TMEM238L: variants seen among roughly 807,000 people sequenced by gnomAD.
TMEM238L encodes the protein transmembrane protein 238 like, also known as transmembrane protein 238-like.
chr17:10,796,933 G>A (rs1904566704), intron 1 of TMEM238L, among the ~76,000 whole-genome samples: 1 of 152,146 alleles, frequency 6.6e-6, no homozygotes. Context: ...AGGCCACATA[G>A]TCTCTGTTAC....
intron 1 of TMEM238L, among the ~76,000 whole-genome samples, chr17:10,798,667 G>A (rs1904634549): frequency 6.6e-6 from 1 of 151,972 alleles, no homozygotes. Flanking sequence ...TGGTGGGTGT[G>A]TTTGTTTCTG....
chr17:10,797,980 G>C (rs1416562789), intron 1 of TMEM238L: 2 of 152,078 alleles, frequency 1.3e-5, no homozygotes, highest in Non-Finnish European at 2.9e-5. Context: ...CTCCTCACCT[G>C]GTGTTCAAAG....
chr17:10,802,605 T>G (rs1198211927), intron 1 of TMEM238L: 1 of 152,616 alleles, frequency 6.6e-6, no homozygotes. Context: ...AAGACACAAT[T>G]ATTATTTCCT....
intron 1 of TMEM238L, among the ~76,000 whole-genome samples, chr17:10,796,751 A>G (rs1287820930): frequency 6.6e-6 from 1 of 151,922 alleles, no homozygotes; most frequent in Non-Finnish European, 1.5e-5. Flanking sequence ...CTTCCTTATT[A>G]TTACTGGGAA....
rs1216590208 is a variant in TMEM238L, at chr17:10,800,259, A to C, written c.*118+3347T>G. Among the ~76,000 whole-genome samples, 5 of 152,212 alleles carry C rather than the reference A, an allele frequency of 3.3e-5. No individual in the cohort carries two copies. The East Asian group carries it at 7.7e-4, about 24-fold the overall frequency. ...AAACCACATCTTTAACTCTAAAGGG[A>C]AGTAAAATGATTCGCCCAAGGCCAT... On this transcript the variant is annotated intron_variant, in intron 1 of 1. Transcript: ENST00000581851.
intron 1 of TMEM238L, among the ~76,000 whole-genome samples, chr17:10,799,931 C>T (rs1904680899): frequency 1.3e-5 from 2 of 150,310 alleles, no homozygotes; most frequent in Admixed American, 6.7e-5. Context: ...TTGGAAACCA[C>T]ATCTTTTTTT....
chr17:10,801,216 A>T (rs1904736802), intron 1 of TMEM238L, among the ~76,000 whole-genome samples: 2 of 151,896 alleles, frequency 1.3e-5, no homozygotes, highest in African/African-American at 2.4e-5. Context: ...GCGCCCGGCT[A>T]ATTTTTTGTA....
intron 1 of TMEM238L, among the ~76,000 whole-genome samples, chr17:10,801,327 A>T (rs113626129): frequency 0.025 from 3,816 of 152,134 alleles, 62 homozygotes; most frequent in Non-Finnish European, 0.037. Flanking sequence ...TGTGAGCCAC[A>T]GCACCCAGCC....
At chr17:10,795,072 G>C (rs1904498717) in exon 2 of TMEM238L, 1 of 152,284 alleles carries the variant, frequency 6.6e-6, no homozygotes, top group Non-Finnish European at 1.5e-5. Context: ...AGTGGGGCAG[G>C]TCGGGCTCCA....
chr17:10,796,558 A>G (rs1042176556), intron 1 of TMEM238L, among the ~76,000 whole-genome samples: 1 of 152,202 alleles, frequency 6.6e-6, no homozygotes, highest in Non-Finnish European at 1.5e-5. Flanking sequence ...CAGCCACCCG[A>G]TAAGTAGCAT....
At chr17:10,803,472 G>A in intron 1 of TMEM238L, 134 bp downstream of exon 1, 1 of 335,406 alleles carries the variant, frequency 3.0e-6, no homozygotes, top group Non-Finnish European at 5.4e-6. Flanking sequence ...AGGACCTGAG[G>A]CCAGGGCCAC....
At chr17:10,796,154 T>A (rs954145803) in intron 1 of TMEM238L, among the ~76,000 whole-genome samples, 1 of 152,252 alleles carries the variant, frequency 6.6e-6, no homozygotes, top group Non-Finnish European at 1.5e-5. Context: ...AATGGAAATT[T>A]GAATCCCGCA....
chr17:10,797,379 CCTTCCCTCCCTCCCTCCCTCCCTCCCTT>C (rs1267630176), intron 1 of TMEM238L, among the ~76,000 whole-genome samples: 25 of 91,704 alleles, frequency 2.7e-4, no homozygotes, highest in Middle Eastern at 4.6e-3. Flanking sequence ...CACCCTCCCT[CCTTCCCTCCCTCCCTCCCTCCCTCCCTT>C]CCTTCCTTCC....
chr17:10,802,787 C>T lies in TMEM238L; in HGVS notation c.*118+819G>A, dbSNP rs189037055. Among the ~76,000 whole-genome samples the T allele has an allele frequency of 6.2e-3, 944 of 152,258 alleles. 3 individuals carry two copies. The highest frequency in any genetic ancestry group is 0.014 in the Middle Eastern group (4 of 294). On this transcript the variant is annotated intron_variant, in intron 1 of 1. Transcript: ENST00000581851. ...TGGAGACAGCTGTCCATCTCTAATT[C>T]AGGGTTGTAAGGACCAGACCACTCT...
At chr17:10,803,005 G>C (rs527433347) in intron 1 of TMEM238L, among the ~76,000 whole-genome samples, 2 of 152,248 alleles carry the variant, frequency 1.3e-5, no homozygotes, top group African/African-American at 4.8e-5. Context: ...GGGTGGGGTG[G>C]GAATACTGCA....
At chr17:10,803,613 C>T (rs779178153) in exon 1 of TMEM238L, 9 of 397,184 alleles carry the variant, frequency 2.3e-5, no homozygotes, top group Non-Finnish European at 2.7e-5. Context: ...CACCTGGTCC[C>T]GGCGTGGCTT....
intron 1 of TMEM238L, among the ~76,000 whole-genome samples, chr17:10,801,482 T>G (rs2151523894): frequency 6.6e-6 from 1 of 152,324 alleles, no homozygotes; most frequent in South Asian, 2.1e-4. Context: ...CCTGTCGTCT[T>G]TTATTTCCTG....
chr17:10,797,037 G>T (rs1303316358), intron 1 of TMEM238L, among the ~76,000 whole-genome samples: 1 of 152,112 alleles, frequency 6.6e-6, no homozygotes, highest in Non-Finnish European at 1.5e-5. Context: ...CTATCTACAA[G>T]AACAGGAGGT....
chr17:10,801,694 G>T (rs1904752160), intron 1 of TMEM238L, among the ~76,000 whole-genome samples: 1 of 152,012 alleles, frequency 6.6e-6, no homozygotes, highest in African/African-American at 2.4e-5. Flanking sequence ...CTTTGTTATT[G>T]TACTTTTGTA....
Sources: allele counts gnomAD v4.1 joint callset (sites outside exome capture counted in the v4.1 genomes callset), GRCh38; gene constraint gnomAD v4.1.1; transcripts MANE v1.5; gene names NCBI Gene and HGNC (gene_info 2026-07-23, HGNC 2026-07-21).